The following DENND1A variants were observed in gnomAD, a reference collection of about 807,000 sequenced individuals.
DENND1A encodes DENN domain containing 1A, also known as DENN domain-containing protein 1A.
A neutral mutation model predicts 113.7 loss-of-function variants in DENND1A; 51 were observed. The ratio of observed to expected loss-of-function variants is 0.45; its 90% confidence interval spans 0.36 to 0.57. DENND1A has a LOEUF of 0.57. DENND1A is among the 20% of genes least tolerant of loss of function. DENND1A has a pLI of 0.00. For missense variants in DENND1A, 1,258 were observed against 1,395.9 expected (o/e 0.90, Z 1.57); for synonymous variants, 565 against 570.8 (o/e 0.99, Z 0.14).
At chr9:123,537,728 C>G (rs1244920793) in intron 13 of DENND1A, among the ~76,000 whole-genome samples, 1 of 151,402 alleles carries the variant, frequency 6.6e-6, no homozygotes, top group African/African-American at 2.4e-5. Context: ...TTAACTTTGA[C>G]AGCAACACTT....
At chr9:123,731,078 G>A (rs2068131845) in intron 5 of DENND1A, among the ~76,000 whole-genome samples, 2 of 152,070 alleles carry the variant, frequency 1.3e-5, no homozygotes, top group African/African-American at 4.8e-5. Flanking sequence ...GGACACGGAG[G>A]GGAACATCAC....
At chr9:123,382,699 TTC>T (rs1184654877) in intron 23 of DENND1A, 74 bp from the exon 24 acceptor site, 33 of 1,467,320 alleles carry the variant, frequency 2.2e-5, no homozygotes, top group Non-Finnish European at 3.1e-5. Context: ...CCCACACCAC[TTC>T]TGTGTGCTGA....
At chr9:123,534,695 G>C (rs1457876490) in intron 13 of DENND1A, among the ~76,000 whole-genome samples, 1 of 152,192 alleles carries the variant, frequency 6.6e-6, no homozygotes, top group Non-Finnish European at 1.5e-5. Context: ...ACAAAACACT[G>C]TCTTGGTCTT....
chr9:123,483,571 C>G (rs1256902165), intron 13 of DENND1A, among the ~76,000 whole-genome samples: 4 of 152,252 alleles, frequency 2.6e-5, no homozygotes, highest in Non-Finnish European at 5.9e-5. Context: ...ATGCACACAC[C>G]AAGTCTGCCA....
chr9:123,487,915 A>G (rs962002990), intron 13 of DENND1A, among the ~76,000 whole-genome samples: 2 of 152,332 alleles, frequency 1.3e-5, no homozygotes, highest in Middle Eastern at 3.4e-3. Flanking sequence ...TCCAACACAG[A>G]GCTGGGCAAA....
At chr9:123,416,407 CGCTTGAGT>C (rs1348549311) in intron 19 of DENND1A, among the ~76,000 whole-genome samples, 3 of 152,162 alleles carry the variant, frequency 2.0e-5, no homozygotes, top group African/African-American at 7.2e-5. Flanking sequence ...GACCGCTGAC[CGCTTGAGT>C]GCTCTTTCCA....
At chr9:123,687,244 C>T (rs1037060634) in intron 5 of DENND1A, among the ~76,000 whole-genome samples, 5 of 152,168 alleles carry the variant, frequency 3.3e-5, no homozygotes, top group Admixed American at 3.3e-4. Flanking sequence ...CCTACCCCCC[C>T]AGCGATCAGA....
chr9:123,644,389 A>AC lies in DENND1A; in HGVS notation c.618+7623_618+7624insG, dbSNP rs1333501618. On this transcript the variant is annotated intron_variant, in intron 9 of 23. Coordinates refer to ENST00000394215, the MANE Select transcript of DENND1A (RefSeq NM_001352964.2). ...AGCTTTACAAGCTACAAAAAAAAAA[A>AC]AAAAAAAAAAAAACCTCTAAGTACT... Among the ~76,000 whole-genome samples, 243 of 148,844 alleles carry AC rather than the reference A, an allele frequency of 1.6e-3. 1 individual carries two copies. Among genetic ancestry groups the AC allele is most frequent in the Non-Finnish European group, 2.9e-3 (191 of 65,870 alleles).
At chr9:123,570,444 TA>T (rs2058295343) in intron 12 of DENND1A, among the ~76,000 whole-genome samples, 1 of 152,176 alleles carries the variant, frequency 6.6e-6, no homozygotes, top group African/African-American at 2.4e-5. Context: ...GAGGCACCAC[TA>T]AAGGTTTTCA....
intron 5 of DENND1A, among the ~76,000 whole-genome samples, chr9:123,685,998 A>G (rs1589662805): frequency 1.3e-5 from 1 of 79,434 alleles, no homozygotes; most frequent in Admixed American, 1.5e-4. Context: ...TCTCTACTAG[A>G]AAAAAAAAAA....
chr9:123,677,154 G>A (rs1564930995), intron 5 of DENND1A, among the ~76,000 whole-genome samples: 1 of 151,344 alleles, frequency 6.6e-6, no homozygotes, highest in Non-Finnish European at 1.5e-5. Flanking sequence ...CTCATGATGG[G>A]ACAGACACAG....
intron 10 of DENND1A, among the ~76,000 whole-genome samples, chr9:123,624,684 A>T (rs2061119913): frequency 1.3e-5 from 2 of 152,242 alleles, no homozygotes; most frequent in South Asian, 4.1e-4. Context: ...GTGGAAATTT[A>T]GGATGACAAG....
intron 1 of DENND1A, among the ~76,000 whole-genome samples, chr9:123,892,853 G>C (rs1344714708): frequency 6.6e-6 from 1 of 152,108 alleles, no homozygotes; most frequent in Non-Finnish European, 1.5e-5. Context: ...GTGGTCGTGG[G>C]CACCTGTAAT....
chr9:123,588,765 T>C lies in DENND1A; in HGVS notation c.766-5495A>G, dbSNP rs1393488905. 6.4e-5 allele frequency among the ~76,000 whole-genome samples: 9 copies of C among 140,218 alleles called. No homozygotes were observed. The East Asian group carries it at 1.6e-3, about 25-fold the overall frequency. 92.0% of individuals were successfully genotyped at this position (140,218 alleles called of 152,430 possible). ...CGTGTTAAAGCAAAGTTGAAATAAT[T>C]CTATTTTGTTTTTTTTTTTTGAGAT... On this transcript the variant is annotated intron_variant, in intron 11 of 23. Coordinates refer to ENST00000394215, the MANE Select transcript of DENND1A (RefSeq NM_001352964.2).
intron 5 of DENND1A, among the ~76,000 whole-genome samples, chr9:123,746,013 G>A (rs747340958): frequency 6.6e-6 from 1 of 152,052 alleles, no homozygotes; most frequent in African/African-American, 2.4e-5. Flanking sequence ...TACTATTTAG[G>A]GATGTATACA....
intron 3 of DENND1A, among the ~76,000 whole-genome samples, chr9:123,780,333 G>A (rs1831115003): frequency 6.6e-6 from 1 of 152,170 alleles, no homozygotes; most frequent in Admixed American, 6.5e-5. Flanking sequence ...AGAATGATGG[G>A]GGTTACACTC....
chr9:123,542,338 A>T (rs2056351953), intron 13 of DENND1A, among the ~76,000 whole-genome samples: 1 of 152,240 alleles, frequency 6.6e-6, no homozygotes, highest in Non-Finnish European at 1.5e-5. Context: ...TAACTTGTGT[A>T]GAGTCACACA....
intron 5 of DENND1A, among the ~76,000 whole-genome samples, chr9:123,718,964 T>C (rs1339830851): frequency 6.6e-6 from 1 of 152,180 alleles, no homozygotes; most frequent in Non-Finnish European, 1.5e-5. Context: ...TCCCCCATAC[T>C]GTTCTCGTGG....
chr9:123,711,651 C>T (rs897860320), intron 5 of DENND1A, among the ~76,000 whole-genome samples: 14 of 151,150 alleles, frequency 9.3e-5, no homozygotes, highest in Admixed American at 9.3e-4. Flanking sequence ...CATTCAACAC[C>T]CTGGCTCTCA....
Sources: gnomAD v4.1 joint callset for allele counts (sites outside exome capture counted in the v4.1 genomes callset) on GRCh38, gnomAD v4.1.1 for gene constraint, MANE v1.5 for transcripts, NCBI Gene and HGNC (gene_info 2026-07-23, HGNC 2026-07-21) for gene names.